The following FBLIM1 variants were observed in gnomAD, a reference collection of about 807,000 sequenced individuals.
The protein encoded by FBLIM1 is filamin-binding LIM protein 1.
FBLIM1 carries 29 observed loss-of-function variants against 37.4 expected under a neutral mutation model. That is an observed-to-expected ratio of 0.77 (90% CI 0.58 to 1.06). FBLIM1 has a LOEUF of 1.06. Ranked by LOEUF, FBLIM1 falls within the 50% of genes least tolerant of loss-of-function variation. The pLI, the probability that FBLIM1 is intolerant of heterozygous loss-of-function variation, is 0.00. For synonymous variants in FBLIM1, 193 were observed against 199.0 expected (o/e 0.97, Z 0.25); for missense variants, 449 against 505.6 (o/e 0.89, Z 1.07).
chr1:15,762,212 C>T (rs1342275027), intron 1 of FBLIM1, among the ~76,000 whole-genome samples: 1 of 151,640 alleles, frequency 6.6e-6, no homozygotes, highest in African/African-American at 2.4e-5. Flanking sequence ...CCTCAGCCTC[C>T]TAAGTAGCTG....
chr1:15,766,451 C>A (rs536169631), intron 3 of FBLIM1, among the ~76,000 whole-genome samples: 6 of 152,120 alleles, frequency 3.9e-5, no homozygotes, highest in African/African-American at 1.4e-4. Context: ...CGCCCACCAT[C>A]ACACCCAGCT....
chr1:15,762,014 C>A (rs2068693511), intron 1 of FBLIM1, among the ~76,000 whole-genome samples: 1 of 152,180 alleles, frequency 6.6e-6, no homozygotes, highest in Admixed American at 6.5e-5. Flanking sequence ...GCAGGAACTA[C>A]CTGAGAGATG....
Position 15,763,828 on chromosome 1 carries a change from T to G in FBLIM1, c.-210-668T>G, listed in dbSNP as rs1158311772. The stretch of plus-strand genomic sequence containing the variant: ...CTAATTTTTGTATTTTTAGTAGAGA[T>G]GGGGTTTCACCATGTTGGCAGGGTG... On this transcript the variant is annotated intron_variant, in intron 1 of 8. Coordinates refer to ENST00000375766, the MANE Select transcript of FBLIM1 (RefSeq NM_017556.4). Among the ~76,000 whole-genome samples the G allele has an allele frequency of 3.3e-5, 5 of 151,720 alleles. No homozygotes were observed. In the East Asian group the frequency reaches 7.9e-4, roughly 24 times the overall value.
rs182653976 is a variant in FBLIM1, at chr1:15,759,384, G to C, written c.-211+536G>C. Among the ~76,000 whole-genome samples, 444 of 152,304 alleles carry C rather than the reference G, an allele frequency of 2.9e-3. 5 individuals carry two copies. Among genetic ancestry groups the C allele is most frequent in the African/African-American group, 0.01 (426 of 41,582 alleles). On this transcript the variant is annotated intron_variant, in intron 1 of 8. Coordinates refer to ENST00000375766, the MANE Select transcript of FBLIM1 (RefSeq NM_017556.4). ...CGCCCGTCGGGGGCTGAGAAGGTGT[G>C]GAGATGGGCGATACCCAGGTGTGTG...
At chr1:15,757,633 G>T (rs976374520), upstream of FBLIM1, among the ~76,000 whole-genome samples, 29 of 152,260 alleles carry the variant, frequency 1.9e-4, no homozygotes, top group Middle Eastern at 6.8e-3. This position sits in a 1 kb window ranked among gnomAD's most constrained non-coding sequence, Gnocchi z 4.1. Flanking sequence ...CCCTGGAGGG[G>T]TGACTGTAGC....
rs185357474 is a variant in FBLIM1, at chr1:15,767,221, A to G, written c.251-155A>G. On this transcript the variant is annotated intron_variant, in intron 3 of 8. Coordinates refer to ENST00000375766, the MANE Select transcript of FBLIM1 (RefSeq NM_017556.4). ...GATTAAGTTTCTTGCCTAAGGACAC[A>G]CAGCAAATCAGTGGCAGAGTTAGAC... Among the ~76,000 whole-genome samples the G allele has an allele frequency of 5.1e-4, 78 of 152,104 alleles. 1 individual carries two copies. Among genetic ancestry groups the G allele is most frequent in the Non-Finnish European group, 1.0e-3 (70 of 67,960 alleles).
intron 6 of FBLIM1, among the ~76,000 whole-genome samples, chr1:15,771,853 G>T (rs1258520508): frequency 6.6e-6 from 1 of 151,640 alleles, no homozygotes; most frequent in Non-Finnish European, 1.5e-5. Flanking sequence ...AAGGAGCTGG[G>T]ATTCTACTCC....
At chr1:15,783,607 G>T (rs1013722635) in intron 8 of FBLIM1, among the ~76,000 whole-genome samples, 1 of 125,036 alleles carries the variant, frequency 8.0e-6, no homozygotes, top group Non-Finnish European at 1.6e-5. Flanking sequence ...ATGGAGTCTC[G>T]CTCTGTCACC....
At chr1:15,781,433 G>A (rs2069632628) in intron 8 of FBLIM1, among the ~76,000 whole-genome samples, 1 of 150,030 alleles carries the variant, frequency 6.7e-6, no homozygotes, top group South Asian at 2.1e-4. Context: ...AGAATCACTT[G>A]AACCTGGAGG....
intron 8 of FBLIM1, among the ~76,000 whole-genome samples, chr1:15,781,496 G>A (rs1304832031): frequency 1.4e-5 from 2 of 142,100 alleles, no homozygotes; most frequent in African/African-American, 2.6e-5. Context: ...CCTCCAGCCT[G>A]GGCAACAGAG....
At chr1:15,770,148 T>C (rs924381863) in intron 5 of FBLIM1, among the ~76,000 whole-genome samples, 1 of 151,848 alleles carries the variant, frequency 6.6e-6, no homozygotes, top group African/African-American at 2.4e-5. Flanking sequence ...GGTTTCACCA[T>C]GTTGGCCAGG....
At chr1:15,768,319 C>T (rs2069025277) in intron 4 of FBLIM1, among the ~76,000 whole-genome samples, 2 of 152,128 alleles carry the variant, frequency 1.3e-5, no homozygotes, top group African/African-American at 2.4e-5. Flanking sequence ...CTAAGTAGGA[C>T]AAGGAGCAGT....
chr1:15,769,045 A>T (rs1420705794), intron 5 of FBLIM1, among the ~76,000 whole-genome samples: 3 of 152,182 alleles, frequency 2.0e-5, no homozygotes, highest in African/African-American at 7.2e-5. Flanking sequence ...TGCCAAAGAC[A>T]CTATGCACAT....
intron 8 of FBLIM1, among the ~76,000 whole-genome samples, chr1:15,783,255 G>A (rs2069689248): frequency 6.6e-6 from 1 of 152,190 alleles, no homozygotes; most frequent in African/African-American, 2.4e-5. Context: ...CCGAGTCCCT[G>A]TGTTCCTCAT....
At chr1:15,773,063 G>A (rs1055568198) in intron 6 of FBLIM1, among the ~76,000 whole-genome samples, 8 of 151,972 alleles carry the variant, frequency 5.3e-5, no homozygotes, top group African/African-American at 1.9e-4. Flanking sequence ...AGGGATTACA[G>A]GCATAAGCCA....
chr1:15,768,499 T>C (rs1238431588), intron 4 of FBLIM1, 29 bp from the exon 5 acceptor site: 2 of 1,468,926 alleles, frequency 1.4e-6, no homozygotes, highest in East Asian at 4.9e-5. Context: ...GGGGTCCCAC[T>C]GGATGACTCC....
rs1286564750 is a variant in FBLIM1 at position 15,770,548 on chromosome 1, T to C, written c.681T>C (p.Asp227=). The C allele has an allele frequency of 6.8e-6, 11 of 1,613,860 alleles. No individual in the cohort carries two copies. Among genetic ancestry groups the C allele is most frequent in the Non-Finnish European group, 9.3e-6 (11 of 1,180,024 alleles). The change falls in exon 6 of 9, where the codon GAT becomes GAC. Residue 227 remains aspartate, a synonymous_variant. Coordinates refer to ENST00000375766, the MANE Select transcript of FBLIM1 (RefSeq NM_017556.4). ...CTGGGCAGAGCTTCTACCAGAAGGA[T>C]GGGCGACCCCTCTGCGAACCCTGCT... The part of the protein sequence containing the change: ...QLAGQSFYQK[D]GRPLCEPCYQ...
At chr1:15,783,824 C>T (rs999765271) in intron 8 of FBLIM1, among the ~76,000 whole-genome samples, 4 of 152,012 alleles carry the variant, frequency 2.6e-5, no homozygotes, top group South Asian at 2.1e-4. Flanking sequence ...CCCTGTGATC[C>T]GCCCGCCTCA....
In FBLIM1 at chr1:15,765,184, C is replaced by T; in HGVS notation, c.201C>T (p.Gly67=). The T allele has an allele frequency of 6.2e-7, 1 of 1,613,764 alleles. No homozygotes were observed. The highest frequency in any genetic ancestry group is 1.1e-5 in the South Asian group (1 of 91,034). ...AGRPSPWTTP[G]RAAATVPAAP... is the part of the protein sequence containing the mutation. ...GGCCCAGCCCCTGGACAACCCCTGG[C>T]AGAGCTGCAGCCACAGTGCCGGCTG... Residue 67 remains glycine, a synonymous_variant, in exon 3 of 9, where the codon GGC becomes GGT. Coordinates refer to ENST00000375766, the MANE Select transcript of FBLIM1 (RefSeq NM_017556.4). This position sits in a 1 kb window ranked among gnomAD's most constrained non-coding sequence, Gnocchi z 5.9.
Sources: gnomAD v4.1 joint callset for allele counts (sites outside exome capture counted in the v4.1 genomes callset) on GRCh38, gnomAD v4.1.1 for gene constraint, Gnocchi (gnomAD v3.1) non-coding constraint, MANE v1.5 for transcripts, NCBI Gene and HGNC (gene_info 2026-07-23, HGNC 2026-07-21) for gene names.